Variants in SPATS2L observed in about 807,000 individuals in gnomAD.
SPATS2L encodes spermatogenesis associated serine rich 2 like, also known as SPATS2-like protein.
A neutral mutation model predicts 59.6 loss-of-function variants in SPATS2L; 30 were observed. The ratio of observed to expected loss-of-function variants is 0.50; its 90% confidence interval spans 0.38 to 0.68. SPATS2L has a LOEUF of 0.68. Among genes scored for constraint, SPATS2L ranks in the 30% least tolerant of loss-of-function variants. The probability of loss-of-function intolerance (pLI) is 0.00; values close to 1 mark genes in which losing one functional copy is unlikely to be tolerated. For synonymous variants in SPATS2L, 252 were observed against 263.5 expected, an observed-to-expected ratio of 0.96 and a Z score of 0.42; for missense variants, 615 against 700.0, an observed-to-expected ratio of 0.88 and a Z score of 1.37.
At chr2:200,475,209 C>T (rs2087421260) in intron 12 of SPATS2L, among the ~76,000 whole-genome samples, 1 of 152,204 alleles carries the variant, frequency 6.6e-6, no homozygotes, top group Admixed American at 6.5e-5. Context: ...AGACAGTATT[C>T]AGACATATGG....
intron 2 of SPATS2L, among the ~76,000 whole-genome samples, chr2:200,361,840 A>G (rs1464730129): frequency 6.6e-6 from 1 of 152,200 alleles, no homozygotes; most frequent in Non-Finnish European, 1.5e-5. Context: ...GAAAAACTAT[A>G]ATGTTAATTC....
intron 2 of SPATS2L, among the ~76,000 whole-genome samples, chr2:200,349,817 A>G (rs2080656252): frequency 6.6e-6 from 1 of 152,186 alleles, no homozygotes; most frequent in South Asian, 2.1e-4. Context: ...CAGCAAATTC[A>G]GTTTGTTGGA....
At chr2:200,357,906 T>A (rs1355889618) in intron 2 of SPATS2L, among the ~76,000 whole-genome samples, 1 of 152,178 alleles carries the variant, frequency 6.6e-6, no homozygotes, top group African/African-American at 2.4e-5. Flanking sequence ...ATCATCAGTT[T>A]GAATTTATAA....
intron 8 of SPATS2L, among the ~76,000 whole-genome samples, chr2:200,454,378 C>T (rs1326901558): frequency 6.6e-6 from 1 of 152,160 alleles, no homozygotes; most frequent in African/African-American, 2.4e-5. Context: ...CCCAAGCTTC[C>T]AAATGAATCA....
chr2:200,395,356 G>A (rs1481810728), intron 3 of SPATS2L, among the ~76,000 whole-genome samples: 2 of 152,178 alleles, frequency 1.3e-5, no homozygotes, highest in Non-Finnish European at 2.9e-5. Flanking sequence ...GTTAATAGTT[G>A]CAAAGTGTCC....
In SPATS2L at chr2:200,419,286, C is replaced by A; in HGVS notation, c.235C>A (p.Gln79Lys). ...AAAAAGAAGCAAGTCCAAGCAGCAT[C>A]AAGGCAACAAAGATGCTAAAGACAA... ...KRKRSKSKQH[Q>K]GNKDAKDKVE... is the part of the protein sequence containing the mutation. The change falls in exon 6 of 13, where the codon CAA becomes AAA. Residue 79 changes from glutamine (Q) to lysine (K), a missense_variant. By Grantham distance (53) the Gln-to-Lys change is moderately conservative (BLOSUM62 1). Transcript: ENST00000409140. The A allele has an allele frequency of 6.3e-7, 1 of 1,594,170 alleles. No individual in the cohort carries two copies. Among genetic ancestry groups the A allele is most frequent in the Non-Finnish European group, 8.5e-7 (1 of 1,169,740 alleles).
rs1243897118 is a variant in SPATS2L, at chr2:200,448,180, A to G, written c.788+7396A>G. 4.6e-5 allele frequency among the ~76,000 whole-genome samples: 7 copies of G among 152,252 alleles called. No homozygotes were observed. The East Asian group carries it at 9.6e-4, about 21-fold the overall frequency. On this transcript the variant is annotated intron_variant, in intron 8 of 12. Coordinates refer to ENST00000409140, the MANE Select transcript of SPATS2L (RefSeq NM_001100423.2). ...CAAACGGGTGGGCACAGTGGCCCAC[A>G]CCTGTAATCCCAGCACTTTGGGAGG...
chr2:200,382,676 G>A (rs2081860456), intron 2 of SPATS2L, among the ~76,000 whole-genome samples: 1 of 152,052 alleles, frequency 6.6e-6, no homozygotes, highest in Non-Finnish European at 1.5e-5. Context: ...ACTTAACTGT[G>A]GGACCTTGAG....
At chr2:200,346,993 A>G (rs295142) in intron 2 of SPATS2L, among the ~76,000 whole-genome samples, 66,461 of 152,084 alleles carry the variant, frequency 0.44, 15,523 homozygotes, top group African/African-American at 0.61. Flanking sequence ...ATAATTTTCA[A>G]TGAAGCTACT....
At chr2:200,427,043 C>T (rs897760988) in intron 6 of SPATS2L, among the ~76,000 whole-genome samples, 3 of 152,140 alleles carry the variant, frequency 2.0e-5, no homozygotes, top group African/African-American at 7.2e-5. Context: ...TTTGCTGCAA[C>T]TGTACAGCAA....
intron 6 of SPATS2L, among the ~76,000 whole-genome samples, chr2:200,428,495 T>C (rs2083718158): frequency 6.6e-6 from 1 of 152,188 alleles, no homozygotes; most frequent in African/African-American, 2.4e-5. Context: ...TAGGGCTTGT[T>C]TGATCTCAGG....
intron 3 of SPATS2L, among the ~76,000 whole-genome samples, chr2:200,408,593 T>C (rs893571972): frequency 6.6e-6 from 1 of 152,184 alleles, no homozygotes; most frequent in Non-Finnish European, 1.5e-5. Flanking sequence ...CTAAGGGTCA[T>C]CACAGACAGG....
At chr2:200,313,615 CT>C (rs1255024480) in intron 1 of SPATS2L, among the ~76,000 whole-genome samples, 1 of 152,136 alleles carries the variant, frequency 6.6e-6, no homozygotes, top group Non-Finnish European at 1.5e-5. Context: ...CTTTCATATT[CT>C]TTATGAAAAC....
At position 200,433,763 on chromosome 2, in the gene SPATS2L, C is replaced by T. The variant is rs573418942; in HGVS notation, c.446-5359C>T. Among the ~76,000 whole-genome samples, 40 of 152,112 alleles carry T rather than the reference C, an allele frequency of 2.6e-4. No homozygotes were observed. In the South Asian group the frequency reaches 6.9e-3, roughly 26 times the overall value. On this transcript the variant is annotated intron_variant, in intron 6 of 12. Transcript: ENST00000409140. ...TCTTTAAAAACACAACTTACCAAAA[C>T]AGACAAGAAGAAATAGAAAATCTGA...
rs372733147 is a variant in SPATS2L at position 200,477,638 on chromosome 2, T to G, written c.1284T>G (p.Asn428Lys). The G allele has an allele frequency of 6.9e-5, 107 of 1,541,244 alleles. No homozygotes were observed. In the African/African-American group the frequency reaches 1.3e-3, roughly 19 times the overall value. ...TTATCTCTTTTCTTTTTTGGTAGAA[T>G]GGATCTTCTAACCAAAGACGGAGAT... ...SHQTMPANKQNGSSNQRRRFN... is the reference protein window; with the variant it reads ...SHQTMPANKQKGSSNQRRRFN... Residue 428 changes from asparagine (N) to lysine (K), a missense_variant and splice_region_variant, in exon 13 of 13, where the codon AAT becomes AAG. Asn to Lys is a moderately conservative substitution (Grantham distance 94). Coordinates refer to ENST00000409140, the MANE Select transcript of SPATS2L (RefSeq NM_001100423.2).
At chr2:200,307,983 TTAAA>T (rs1405939923) in intron 1 of SPATS2L, among the ~76,000 whole-genome samples, 27 of 152,320 alleles carry the variant, frequency 1.8e-4, no homozygotes, top group African/African-American at 6.3e-4. Context: ...AATTTAAATA[TTAAA>T]ATATGTACCA....
At position 200,472,990 on chromosome 2, in the gene SPATS2L, A is replaced by G. The variant is rs780618332; in HGVS notation, c.1219A>G (p.Met407Val). The change falls in exon 12 of 13, where the codon ATG becomes GTG. Residue 407 changes from methionine (M) to valine (V), a missense_variant. By Grantham distance (21) the Met-to-Val change is conservative (BLOSUM62 1). Around this residue, in one of 3 missense-constraint regions of SPATS2L, gnomAD observed 284 missense variants for 280.1 expected, o/e 1.01. Coordinates refer to ENST00000409140, the MANE Select transcript of SPATS2L (RefSeq NM_001100423.2). ...PSEGKAANPKMVSSLPSTADP... is the reference protein window; with the variant it reads ...PSEGKAANPKVVSSLPSTADP... ...TGAAGGCAAAGCGGCAAACCCCAAAATGGTGAGCAGTCTCCCCAGCACCGC... is the reference window on the plus strand; with the variant it reads ...TGAAGGCAAAGCGGCAAACCCCAAAGTGGTGAGCAGTCTCCCCAGCACCGC... The G allele has an allele frequency of 6.2e-7, 1 of 1,613,598 alleles. No homozygotes were observed. The highest frequency in any genetic ancestry group is 1.1e-5 in the South Asian group (1 of 91,064).
chr2:200,349,475 A>G (rs753731098), intron 2 of SPATS2L, among the ~76,000 whole-genome samples: 4 of 152,204 alleles, frequency 2.6e-5, no homozygotes, highest in African/African-American at 4.8e-5. Context: ...GTCTCTACTA[A>G]AAGTACAAAA....
intron 1 of SPATS2L, chr2:200,309,174 C>T (rs2079119494): frequency 1.4e-6 from 1 of 716,336 alleles, no homozygotes; most frequent in Non-Finnish European, 2.6e-6. Context: ...TCTCAGTCTG[C>T]GATCAGAGTT....
Sources: gnomAD v4.1 joint callset for allele counts (sites outside exome capture counted in the v4.1 genomes callset) on GRCh38, gnomAD v4.1.1 for gene constraint, gnomAD v4.1.1 regional missense constraint, MANE v1.5 for transcripts, NCBI Gene and HGNC (gene_info 2026-07-23, HGNC 2026-07-21) for gene names.